The following PLCB1 variants were observed in gnomAD, a reference collection of about 807,000 sequenced individuals.
PLCB1 encodes the protein 1-phosphatidylinositol 4,5-bisphosphate phosphodiesterase beta-1.
Under a neutral mutation model 161.8 loss-of-function variants are expected in PLCB1, and 46 were observed. That is an observed-to-expected ratio of 0.28 (90% CI 0.22 to 0.36). The LOEUF (loss-of-function observed/expected upper bound fraction) is 0.36. PLCB1 is among the 10% of genes least tolerant of loss of function. PLCB1 has a pLI of 1.00. For synonymous variants in PLCB1, 517 were observed against 503.7 expected (o/e 1.03, Z -0.35); for missense variants, 1,016 against 1,472.5 (o/e 0.69, Z 5.07).
intron 7 of PLCB1, 73 bp from the exon 8 acceptor site, chr20:8,657,109 CAG>C (rs1989482885): frequency 9.9e-6 from 8 of 808,422 alleles, no homozygotes; most frequent in Admixed American, 5.3e-5. Context: ...GAAAAGAAGA[CAG>C]AGAAAAAACA....
rs144643794 is a variant in PLCB1 at position 8,310,713 on chromosome 20, AC to A, written c.178-60664del. The stretch of plus-strand genomic sequence containing the variant: ...CACCCAGATAGTTTTTCAGTCCTTG[AC>A]CCCCTCCCACTCTCCCTCCTTTTGG... On this transcript the variant is annotated intron_variant, in intron 2 of 31. Coordinates refer to ENST00000338037, the MANE Select transcript of PLCB1 (RefSeq NM_015192.4). 1.1e-3 allele frequency among the ~76,000 whole-genome samples: 168 copies of A among 151,390 alleles called. 2 individuals carry two copies. In the South Asian group the frequency reaches 0.017, roughly 15 times the overall value.
At chr20:8,736,968 T>C in intron 19 of PLCB1, 60 bp from the exon 20 acceptor site, 1 of 1,303,376 alleles carries the variant, frequency 7.7e-7, no homozygotes, top group Non-Finnish European at 1.1e-6. Context: ...TATTCTCTTA[T>C]GTCTTTGTTA....
chr20:8,257,884 C>A (rs1194001175), intron 2 of PLCB1, among the ~76,000 whole-genome samples: 1 of 152,106 alleles, frequency 6.6e-6, no homozygotes, highest in African/African-American at 2.4e-5. Flanking sequence ...TACCCCCCGA[C>A]CACACACAGA....
intron 2 of PLCB1, among the ~76,000 whole-genome samples, chr20:8,370,233 C>T (rs1214511799): frequency 6.6e-6 from 1 of 152,220 alleles, no homozygotes. Context: ...CTGTCTAATG[C>T]AGCAACCTGT....
chr20:8,735,450 A>G (rs978085556), intron 19 of PLCB1, among the ~76,000 whole-genome samples: 2 of 152,220 alleles, frequency 1.3e-5, no homozygotes, highest in African/African-American at 4.8e-5. Flanking sequence ...ACTGCAGTAG[A>G]GTCCTACCTT....
Position 8,308,202 on chromosome 20 carries a change from A to T in PLCB1, c.178-63180A>T, listed in dbSNP as rs184950309. The stretch of plus-strand genomic sequence containing the variant: ...CTTATTCTAATTCTTTCTGAGCAAA[A>T]TACTTGCCCTTAATTTATTATTTAA... On this transcript the variant is annotated intron_variant, in intron 2 of 31. Transcript: ENST00000338037. Among the ~76,000 whole-genome samples, 110 of 152,176 alleles carry T rather than the reference A, an allele frequency of 7.2e-4. 1 individual carries two copies. The highest frequency in any genetic ancestry group is 5.9e-5 in the Non-Finnish European group (4 of 67,926).
intron 31 of PLCB1, among the ~76,000 whole-genome samples, chr20:8,831,912 CTCTTTCTTT>C (rs1986006433): frequency 1.7e-5 from 1 of 58,572 alleles, no homozygotes; most frequent in Non-Finnish European, 3.6e-5. Flanking sequence ...CTCTTTCTTT[CTCTTTCTTT>C]CTTTCTTTCT....
In PLCB1 at chr20:8,809,767, A is replaced by C. The variant is rs1163754343; in HGVS notation, c.3423+19506A>C. ...CTTTTTTTTCTGTTTCCTCCATTAG[A>C]CAGAGCCTGTACTGCTCTGTTGATC... On this transcript the variant is annotated intron_variant, in intron 31 of 31. Transcript: ENST00000338037. Among the ~76,000 whole-genome samples, 3 of 152,012 alleles carry C rather than the reference A, an allele frequency of 2.0e-5. No homozygotes were observed. In the South Asian group the frequency reaches 6.2e-4, roughly 32 times the overall value.
chr20:8,732,824 G>T (rs1980339853), intron 18 of PLCB1, among the ~76,000 whole-genome samples: 2 of 138,852 alleles, frequency 1.4e-5, no homozygotes, highest in African/African-American at 2.6e-5. Flanking sequence ...TAGATATTTT[G>T]TATATACTAT....
chr20:8,735,651 A>C (rs190200495), intron 19 of PLCB1, among the ~76,000 whole-genome samples: 2 of 152,342 alleles, frequency 1.3e-5, no homozygotes, highest in East Asian at 3.9e-4. Context: ...GCTTTGGTCA[A>C]ACATCTTAAA....
intron 8 of PLCB1, 141 bp downstream of exon 8, chr20:8,657,425 G>A (rs775553891): frequency 8.4e-5 from 55 of 651,794 alleles, no homozygotes; most frequent in Non-Finnish European, 1.4e-4. Flanking sequence ...TGATGTTTTG[G>A]ATAGGATCAC....
chr20:8,426,093 C>T (rs1297514119), intron 3 of PLCB1, among the ~76,000 whole-genome samples: 4 of 152,284 alleles, frequency 2.6e-5, no homozygotes. Flanking sequence ...AGCACTGCTT[C>T]ATTTCTGCCT....
chr20:8,155,877 C>A (rs1451950666), intron 2 of PLCB1, among the ~76,000 whole-genome samples: 1 of 152,130 alleles, frequency 6.6e-6, no homozygotes, highest in Admixed American at 6.5e-5. Context: ...GGAAAAAAAC[C>A]AGCAAAATTC....
intron 2 of PLCB1, among the ~76,000 whole-genome samples, chr20:8,174,041 T>A (rs2051758501): frequency 6.6e-6 from 1 of 152,150 alleles, no homozygotes. Flanking sequence ...TCACTGGAGT[T>A]GCAGAAGAGA....
intron 2 of PLCB1, among the ~76,000 whole-genome samples, chr20:8,199,164 TATC>T (rs2052062488): frequency 6.6e-6 from 1 of 152,128 alleles, no homozygotes; most frequent in Non-Finnish European, 1.5e-5. Context: ...GAGCAAATAT[TATC>T]ATTTTTAAAG....
chr20:8,395,191 A>G (rs1987733139), intron 3 of PLCB1, among the ~76,000 whole-genome samples: 1 of 152,100 alleles, frequency 6.6e-6, no homozygotes. Flanking sequence ...TGGGAAATTG[A>G]ACACCTATTG....
intron 2 of PLCB1, among the ~76,000 whole-genome samples, chr20:8,303,569 C>A (rs1267514514): frequency 1.3e-5 from 2 of 152,062 alleles, no homozygotes; most frequent in African/African-American, 2.4e-5. Flanking sequence ...TACAGAAGCA[C>A]AATATAAAGA....
intron 3 of PLCB1, among the ~76,000 whole-genome samples, chr20:8,381,286 T>G (rs1333715754): frequency 6.6e-6 from 1 of 152,252 alleles, no homozygotes; most frequent in Non-Finnish European, 1.5e-5. Context: ...ATACCAGGGA[T>G]GAAGCTGTCT....
At chr20:8,561,169 C>G (rs998798291) in intron 3 of PLCB1, among the ~76,000 whole-genome samples, 2 of 151,840 alleles carry the variant, frequency 1.3e-5, no homozygotes, top group Non-Finnish European at 2.9e-5. Flanking sequence ...GAGAATTTGT[C>G]TCTTCATCTG....
Sources: gnomAD v4.1 joint callset for allele counts (sites outside exome capture counted in the v4.1 genomes callset) on GRCh38, gnomAD v4.1.1 for gene constraint, MANE v1.5 for transcripts, NCBI Gene and HGNC (gene_info 2026-07-23, HGNC 2026-07-21) for gene names.